Variants in DNAH5 observed in about 807,000 individuals in gnomAD.
DNAH5 encodes axonemal beta dynein heavy chain 5.
In DNAH5, 372 loss-of-function variants were observed where a neutral mutation model predicts 518.2. That is an observed-to-expected ratio of 0.72 (90% CI 0.66 to 0.78). The LOEUF (loss-of-function observed/expected upper bound fraction) is 0.78, where lower values mean the gene tolerates loss of function less well. Ranked by LOEUF, DNAH5 falls within the 30% of genes least tolerant of loss-of-function variation. The pLI, the probability that DNAH5 is intolerant of heterozygous loss-of-function variation, is 0.00. For synonymous variants in DNAH5, 2,039 were observed against 2,025.9 expected, an observed-to-expected ratio of 1.01 and a Z score of -0.17; for missense variants, 5,523 against 5,687.0, an observed-to-expected ratio of 0.97 and a Z score of 0.93.
intron 21 of DNAH5, among the ~76,000 whole-genome samples, chr5:13,879,280 G>A (rs1771311767): frequency 6.6e-6 from 1 of 152,136 alleles, no homozygotes; most frequent in Admixed American, 6.5e-5. Context: ...TTATCTGACA[G>A]GGAATTCAAA....
chr5:13,796,740 C>G (rs953122800), intron 47 of DNAH5, among the ~76,000 whole-genome samples: 2 of 152,118 alleles, frequency 1.3e-5, no homozygotes, highest in African/African-American at 2.4e-5. Context: ...CCCACATTGC[C>G]AAGAAAATCC....
At chr5:13,715,914 C>T (rs1744222183) in intron 74 of DNAH5, among the ~76,000 whole-genome samples, 1 of 152,198 alleles carries the variant, frequency 6.6e-6, no homozygotes, top group Admixed American at 6.5e-5. Context: ...TGCTGCTCAA[C>T]AGCACAGGCC....
Position 13,913,967 on chromosome 5 carries a change from CA to C in DNAH5, c.1321-10del, listed in dbSNP as rs767472532. On this transcript the variant is annotated splice_polypyrimidine_tract_variant and intron_variant, in intron 10 of 78. Coordinates refer to ENST00000265104, the MANE Select transcript of DNAH5 (RefSeq NM_001369.3). ...AAGCAGAGCTGGTATTCCTTAAAATCAAAAGAAAAATATACAACAAAGGGAA... is the reference window on the plus strand; with the variant it reads ...AAGCAGAGCTGGTATTCCTTAAAATCAAAGAAAAATATACAACAAAGGGAA... The C allele has an allele frequency of 1.2e-6, 2 of 1,611,486 alleles. No homozygotes were observed. Among genetic ancestry groups the C allele is most frequent in the Admixed American group, 3.3e-5 (2 of 59,828 alleles).
chr5:13,843,051 T>G (rs1336295699), intron 32 of DNAH5, among the ~76,000 whole-genome samples: 1 of 152,140 alleles, frequency 6.6e-6, no homozygotes, highest in Non-Finnish European at 1.5e-5. Context: ...AAGCGAAACA[T>G]CAGAAAGAAT....
At chr5:13,859,087 T>C (rs1768018860) in intron 30 of DNAH5, among the ~76,000 whole-genome samples, 4 of 121,730 alleles carry the variant, frequency 3.3e-5, no homozygotes, top group African/African-American at 1.2e-4. Flanking sequence ...AAAATGTCTG[T>C]AGTAGAAAAA....
At position 13,855,253 on chromosome 5, in the gene DNAH5, G is replaced by A. The variant is rs1767461715; in HGVS notation, c.4950+4199C>T. Among the ~76,000 whole-genome samples the A allele has an allele frequency of 4.7e-5, 2 of 42,634 alleles. 1 individual carries two copies. The highest frequency in any genetic ancestry group is 4.4e-4 in the Admixed American group (2 of 4,584). The allele number at this position is 42,634 out of a possible 152,430, so 28.0% of individuals were successfully genotyped here. On this transcript the variant is annotated intron_variant, in intron 30 of 78. Transcript: ENST00000265104. ...AGACGGAGTCTCGCTCTGTCGCCCA[G>A]GCTGGAGTGCAGTGGCGGGATCTCG...
intron 47 of DNAH5, 131 bp downstream of exon 47, chr5:13,807,460 G>C (rs1375319234): frequency 1.3e-6 from 1 of 790,122 alleles, no homozygotes; most frequent in African/African-American, 1.7e-5. Context: ...AAGAATGGAA[G>C]ACGTACGTGG....
At chr5:14,004,887 C>G (rs1314564716) in intron 1 of DNAH5, among the ~76,000 whole-genome samples, 2 of 150,490 alleles carry the variant, frequency 1.3e-5, no homozygotes, top group Non-Finnish European at 3.0e-5. Context: ...TATTTTCTTC[C>G]TTAGATTTCT....
chr5:13,752,874 C>T (rs1217744347), intron 63 of DNAH5, among the ~76,000 whole-genome samples: 1 of 152,114 alleles, frequency 6.6e-6, no homozygotes, highest in Non-Finnish European at 1.5e-5. Context: ...GTTTTTTCTT[C>T]ACCACTACCA....
intron 75 of DNAH5, among the ~76,000 whole-genome samples, chr5:13,709,574 G>A (rs1743223805): frequency 6.6e-6 from 1 of 152,158 alleles, no homozygotes. Context: ...TGACTCGGAT[G>A]GGCAGAGCAG....
intron 5 of DNAH5, among the ~76,000 whole-genome samples, chr5:13,921,674 T>TGGAGAG (rs1777306778): frequency 6.6e-6 from 1 of 151,034 alleles, no homozygotes; most frequent in Non-Finnish European, 1.5e-5. Context: ...ACTTGCTCTC[T>TGGAGAG]CCAAACATAT....
At chr5:13,753,671 A>G in intron 62 of DNAH5, 122 bp from the exon 63 acceptor site, 1 of 896,196 alleles carries the variant, frequency 1.1e-6, no homozygotes. Flanking sequence ...CACAAATCAA[A>G]CTGGAGGCAC....
chr5:13,859,374 T>C (rs1768060474), intron 30 of DNAH5, 78 bp downstream of exon 30: 15 of 1,460,098 alleles, frequency 1.0e-5, no homozygotes, highest in Admixed American at 1.0e-4. Flanking sequence ...TGGAATATTA[T>C]TGCATTATTT....
chr5:13,857,748 A>G (rs1318689356), intron 30 of DNAH5, among the ~76,000 whole-genome samples: 1 of 152,192 alleles, frequency 6.6e-6, no homozygotes, highest in Admixed American at 6.5e-5. Flanking sequence ...ACCTGACAAA[A>G]CAAGCAATAG....
chr5:13,876,618 T>G, intron 22 of DNAH5, 66 bp downstream of exon 22: 1 of 1,584,398 alleles, frequency 6.3e-7, no homozygotes, highest in Middle Eastern at 1.7e-4. Context: ...AACTTTGTGA[T>G]GTTCACTTTC....
chr5:13,816,783 T>G (rs865831912), intron 42 of DNAH5, among the ~76,000 whole-genome samples: 5 of 152,174 alleles, frequency 3.3e-5, no homozygotes, highest in Admixed American at 6.5e-5. Context: ...GGTACTACTT[T>G]AAACATTTTT....
intron 78 of DNAH5, among the ~76,000 whole-genome samples, chr5:13,697,252 G>C (rs529212381): frequency 1.9e-3 from 285 of 152,306 alleles, no homozygotes; most frequent in Non-Finnish European, 3.3e-3. Flanking sequence ...GTCCCAAGAT[G>C]TCACACTACC....
intron 30 of DNAH5, among the ~76,000 whole-genome samples, chr5:13,858,356 G>A (rs1261499335): frequency 6.6e-6 from 1 of 152,112 alleles, no homozygotes; most frequent in African/African-American, 2.4e-5. Flanking sequence ...CTCATAAGTG[G>A]GAGTTGAACA....
rs977850825 is a variant in DNAH5 at position 13,914,437 on chromosome 5, A to G, written c.1320+83T>C. 22 of 1,454,886 alleles carry G rather than the reference A, an allele frequency of 1.5e-5. No individual in the cohort carries two copies. The South Asian group carries it at 1.9e-4, about 13-fold the overall frequency. The allele number at this position is 1,454,886 out of a possible 1,614,324, so 90.1% of individuals were successfully genotyped here. ...TGTTCTTTTTATCAACCAATGATAT[A>G]ATAATTACAAAATGATTTAAGATGG... On this transcript the variant is annotated intron_variant, in intron 10 of 78. Coordinates refer to ENST00000265104, the MANE Select transcript of DNAH5 (RefSeq NM_001369.3).
Sources: allele counts gnomAD v4.1 joint callset (sites outside exome capture counted in the v4.1 genomes callset), GRCh38; gene constraint gnomAD v4.1.1; transcripts MANE v1.5; gene names NCBI Gene and HGNC (gene_info 2026-07-23, HGNC 2026-07-21).